Variants in HMGCS2 observed in about 807,000 individuals in gnomAD.
HMGCS2 encodes 3-hydroxy-3-methylglutaryl-CoA synthase 2, also known as hydroxymethylglutaryl-CoA synthase, mitochondrial.
A neutral mutation model predicts 57.4 loss-of-function variants in HMGCS2; 50 were observed. The observed-to-expected ratio is 0.87, with a 90% confidence interval of 0.69 to 1.10. HMGCS2 has a LOEUF of 1.10. Ranked by LOEUF, HMGCS2 falls within the 50% of genes least tolerant of loss-of-function variation. The pLI, the probability that HMGCS2 is intolerant of heterozygous loss-of-function variation, is 0.00. For missense variants in HMGCS2, 627 were observed against 636.5 expected (o/e 0.99, Z 0.16); for synonymous variants, 254 against 245.1 (o/e 1.04, Z -0.34).
At chr1:119,748,934 G>T (rs1232211684) in intron 9 of HMGCS2, 93 bp from the exon 10 acceptor site, 1 of 152,288 alleles carries the variant, frequency 6.6e-6, no homozygotes, top group African/African-American at 2.4e-5. Context: ...GCTGTGCAGA[G>T]GGGCTCCCCT....
chr1:119,761,177 A>G (rs1179306536), intron 2 of HMGCS2, among the ~76,000 whole-genome samples: 1 of 147,782 alleles, frequency 6.8e-6, no homozygotes, highest in East Asian at 1.9e-4. Flanking sequence ...GTAAATTGGT[A>G]TATTTAATAT....
rs376554104 is a variant in HMGCS2, at chr1:119,757,397, T to C, written c.892A>G (p.Met298Val). 14 of 1,614,014 alleles carry C rather than the reference T, an allele frequency of 8.7e-6. No homozygotes were observed. The highest frequency in any genetic ancestry group is 1.1e-5 in the Non-Finnish European group (13 of 1,180,014). Residue 298 changes from methionine (M) to valine (V), a missense_variant, in exon 5 of 10, where the codon ATG becomes GTG. Met to Val is a conservative substitution (Grantham distance 21). Transcript: ENST00000369406. Reference protein sequence around the residue: ...RPFTLDDLQYMIFHTPFCKMV... With the variant: ...RPFTLDDLQYVIFHTPFCKMV... Reference sequence around the variant, plus strand: ...TTGCAAAAGGGTGTATGAAAGATCATGTACTGTAAATCGTCAAGGGTGAAG... The same window carrying C: ...TTGCAAAAGGGTGTATGAAAGATCACGTACTGTAAATCGTCAAGGGTGAAG...
At chr1:119,755,643 A>G (rs757386022) in intron 5 of HMGCS2, 46 bp from the exon 6 acceptor site, 5 of 1,588,738 alleles carry the variant, frequency 3.1e-6, no homozygotes, top group Non-Finnish European at 4.3e-6. Flanking sequence ...AGGGGACGGG[A>G]GGCAGGGAGC....
At chr1:119,753,430 C>G (rs374922447) in intron 6 of HMGCS2, 44 bp from the exon 7 acceptor site, 15 of 809,446 alleles carry the variant, frequency 1.9e-5, no homozygotes, top group Non-Finnish European at 3.1e-5. Context: ...CACACACACA[C>G]ACACACACAC....
rs893820165 is a variant in HMGCS2 at position 119,768,769 on chromosome 1, C to T, written c.76G>A (p.Ala26Thr). 3 of 1,613,794 alleles carry T rather than the reference C, an allele frequency of 1.9e-6. No individual in the cohort carries two copies. The African/African-American group carries it at 4.0e-5, about 22-fold the overall frequency. Residue 26 changes from alanine to threonine, a missense_variant, in exon 1 of 10, where the codon GCT (alanine) becomes ACT (threonine). Coordinates refer to ENST00000369406, the MANE Select transcript of HMGCS2 (RefSeq NM_005518.4). ...RAVQETSLTPARLLPVAHQRF... is the reference protein window; with the variant it reads ...RAVQETSLTPTRLLPVAHQRF... ...TGGTGGGCTACTGGGAGCAGGCGAG[C>T]AGGTGTGAGGGAGGTTTCCTGCACC...
At chr1:119,768,103 C>T (rs916099595) in intron 1 of HMGCS2, among the ~76,000 whole-genome samples, 1 of 152,148 alleles carries the variant, frequency 6.6e-6, no homozygotes, top group Non-Finnish European at 1.5e-5. Context: ...GACAGAAACA[C>T]ATAGGTGGCT....
chr1:119,764,604 G>A lies in HMGCS2; in HGVS notation c.127C>T (p.Pro43Ser). 6.2e-7 allele frequency: 1 copy of A among 1,613,812 alleles called. No homozygotes were observed. Among genetic ancestry groups the A allele is most frequent in the Non-Finnish European group, 8.5e-7 (1 of 1,179,876 alleles). The change falls in exon 2 of 10, where the codon CCC (proline) becomes TCC (serine). Residue 43 changes from proline to serine, a missense_variant. By Grantham distance (74) the Pro-to-Ser change is moderately conservative (BLOSUM62 -1). Coordinates refer to ENST00000369406, the MANE Select transcript of HMGCS2 (RefSeq NM_005518.4). ...GGCCAAGTATCTGTTTTGGCCAGGGGGACAGCAGAGGCTGTAGAAAACCTG... is the reference window on the plus strand; with the variant it reads ...GGCCAAGTATCTGTTTTGGCCAGGGAGACAGCAGAGGCTGTAGAAAACCTG... ...HQRFSTASAV[P>S]LAKTDTWPKD...
In HMGCS2 at chr1:119,748,734, C is replaced by G. The variant is rs587762730; in HGVS notation, c.*113G>C. ...GCTGATGCTTATGGGGCTACTATGT[C>G]GATTCAAATTCATTTACCAGCTAAG... On this transcript the variant is annotated 3_prime_UTR_variant, in exon 10 of 10. Transcript: ENST00000369406. The G allele has an allele frequency of 6.6e-6, 1 of 152,234 alleles. No individual in the cohort carries two copies. The highest frequency in any genetic ancestry group is 2.4e-5 in the African/African-American group (1 of 41,532). The allele number at this position is 152,234 out of a possible 1,614,324, so 9.4% of individuals were successfully genotyped here. A position where few individuals can be genotyped will look rare whatever the true frequency, so the allele number is the denominator to read the frequency against.
In HMGCS2 at chr1:119,764,289, G is replaced by GTTCC; in HGVS notation, c.438_441dup (p.Leu148GlyfsTer10). ...TCAGTATTGCCTGAATCCTGGAAGA[G>GTTCC]TTCCATGAGCACTGTTTTGACAGCT... On this transcript the variant is annotated frameshift_variant, in exon 2 of 10. Transcript: ENST00000369406. LOFTEE classifies it high-confidence loss of function. 6.2e-7 allele frequency: 1 copy of GTTCC among 1,614,166 alleles called. No individual in the cohort carries two copies. Among genetic ancestry groups the GTTCC allele is most frequent in the East Asian group, 2.2e-5 (1 of 44,886 alleles).
rs1397357706 is a variant in HMGCS2, at chr1:119,753,277, C to T, written c.1294+3G>A. 1.0e-5 allele frequency: 16 copies of T among 1,590,822 alleles called. No homozygotes were observed. ...GAAGGCCTACTAGAAAGATGACACTCACCTGGAGCAGCATCCTGGGATACT... is the reference window on the plus strand; with the variant it reads ...GAAGGCCTACTAGAAAGATGACACTTACCTGGAGCAGCATCCTGGGATACT... On this transcript the variant is annotated splice_donor_region_variant and intron_variant, in intron 7 of 9. Transcript: ENST00000369406.
intron 6 of HMGCS2, 86 bp downstream of exon 6, chr1:119,755,341 G>C (rs763161423): frequency 7.5e-7 from 1 of 1,325,120 alleles, no homozygotes; most frequent in Non-Finnish European, 1.1e-6. Context: ...AGCCAAAAGA[G>C]AAACCCAACT....
intron 6 of HMGCS2, among the ~76,000 whole-genome samples, 194 bp downstream of exon 6, chr1:119,755,233 C>T (rs1403007584): frequency 1.3e-5 from 2 of 152,150 alleles, no homozygotes; most frequent in African/African-American, 2.4e-5. Context: ...GTCTCGAACT[C>T]CTAGGTTCAG....
chr1:119,750,951 T>A, intron 8 of HMGCS2, 43 bp from the exon 9 acceptor site: 1 of 1,215,126 alleles, frequency 8.2e-7, no homozygotes, highest in African/African-American at 1.5e-5. Context: ...AAGAGTTATA[T>A]GAGTTTTTGG....
At chr1:119,758,481 T>A (rs1162776271) in intron 4 of HMGCS2, among the ~76,000 whole-genome samples, 1 of 152,156 alleles carries the variant, frequency 6.6e-6, no homozygotes, top group African/African-American at 2.4e-5. Context: ...CAAGCAATCC[T>A]CCTGCCTCAG....
chr1:119,756,907 T>C (rs971924543), intron 5 of HMGCS2, among the ~76,000 whole-genome samples: 1 of 152,190 alleles, frequency 6.6e-6, no homozygotes, highest in African/African-American at 2.4e-5. Context: ...CCTGAGAGGT[T>C]AATACGATGT....
chr1:119,755,648 G>A (rs1485914513), intron 5 of HMGCS2, 51 bp from the exon 6 acceptor site: 1 of 1,548,832 alleles, frequency 6.5e-7, no homozygotes, highest in South Asian at 1.1e-5. Flanking sequence ...ACGGGAGGCA[G>A]GGAGCAAGGG....
chr1:119,761,865 C>A (rs780688879), intron 2 of HMGCS2, among the ~76,000 whole-genome samples: 3 of 151,994 alleles, frequency 2.0e-5, no homozygotes, highest in Non-Finnish European at 4.4e-5. Context: ...GTAAAAGAAA[C>A]GCAAATCAAA....
Position 119,764,796 on chromosome 1 carries a change from C to G in HMGCS2, c.105-170G>C, listed in dbSNP as rs189114835. ...TTTTCATTGAATTGACCCTTCTATA[C>G]TTATTAAATATCCCTTTTCATCTTT... On this transcript the variant is annotated intron_variant, in intron 1 of 9. Transcript: ENST00000369406. 1.9e-4 allele frequency among the ~76,000 whole-genome samples: 29 copies of G among 152,330 alleles called. 1 individual carries two copies. Among genetic ancestry groups the G allele is most frequent in the African/African-American group, 6.7e-4 (28 of 41,582 alleles).
Position 119,766,009 on chromosome 1 carries a change from G to A in HMGCS2, c.105-1383C>T, listed in dbSNP as rs587746666. Among the ~76,000 whole-genome samples, 3 of 152,310 alleles carry A rather than the reference G, an allele frequency of 2.0e-5. No homozygotes were observed. The East Asian group carries it at 5.8e-4, about 29-fold the overall frequency. ...CAGCAGAAAGAGCAATTCTAAACGAGAGCAGAGGAAAAAAGGAAGGGGAAG... is the reference window on the plus strand; with the variant it reads ...CAGCAGAAAGAGCAATTCTAAACGAAAGCAGAGGAAAAAAGGAAGGGGAAG... On this transcript the variant is annotated intron_variant, in intron 1 of 9. Transcript: ENST00000369406.
Sources: allele counts gnomAD v4.1 joint callset (sites outside exome capture counted in the v4.1 genomes callset), GRCh38; gene constraint gnomAD v4.1.1; transcripts MANE v1.5; gene names NCBI Gene and HGNC (gene_info 2026-07-23, HGNC 2026-07-21).